DAB1: variants seen among roughly 807,000 people sequenced by gnomAD.
The protein encoded by DAB1 is DAB adaptor protein 1, also known as disabled homolog 1.
Under a neutral mutation model 64.6 loss-of-function variants are expected in DAB1, and 15 were observed. The ratio of observed to expected loss-of-function variants is 0.23; its 90% CI spans 0.16 to 0.36. The LOEUF (loss-of-function observed/expected upper bound fraction) is 0.36, where lower values mean the gene tolerates loss of function less well. Among genes scored for constraint, DAB1 ranks in the 10% least tolerant of loss-of-function variants. The pLI is 1.00. For missense variants in DAB1, 596 were observed against 706.7 expected (o/e 0.84, Z 1.78); for synonymous variants, 235 against 251.9 (o/e 0.93, Z 0.64).
chr1:57,750,088 G>C (rs1648485199), intron 6 of DAB1, among the ~76,000 whole-genome samples: 1 of 152,110 alleles, frequency 6.6e-6, no homozygotes, highest in Non-Finnish European at 1.5e-5. Flanking sequence ...CTACAGTCAA[G>C]GCCCCACCTG....
At chr1:57,552,746 C>G (rs1218023913) in intron 7 of DAB1, among the ~76,000 whole-genome samples, 1 of 152,080 alleles carries the variant, frequency 6.6e-6, no homozygotes. Context: ...CATGGGCCTT[C>G]TTGGCTAGTG....
In DAB1 at chr1:57,934,257, G is replaced by A. The variant is rs916353159; in HGVS notation, n.388-50095C>T. On this transcript the variant is annotated intron_variant and non_coding_transcript_variant, in intron 5 of 20. Coordinates refer to the DAB1 transcript ENST00000485760. Reference sequence around the variant, plus strand: ...TTTAATTTTAGCCATTTGGTGGGGAGAGTGTAGTGGTAGCTCATTGTGAGA... The same window carrying A: ...TTTAATTTTAGCCATTTGGTGGGGAAAGTGTAGTGGTAGCTCATTGTGAGA... 2.6e-5 allele frequency among the ~76,000 whole-genome samples: 4 copies of A among 152,102 alleles called. No individual in the cohort carries two copies. The East Asian group carries it at 5.8e-4, about 22-fold the overall frequency.
chr1:57,949,597 G>T (rs917366440), intron 5 of DAB1, among the ~76,000 whole-genome samples: 1 of 151,448 alleles, frequency 6.6e-6, no homozygotes, highest in Admixed American at 6.6e-5. Flanking sequence ...TATTTCTAAA[G>T]AATACATTAC....
chr1:58,111,399 C>T (rs1431928078), intron 5 of DAB1, among the ~76,000 whole-genome samples: 2 of 152,216 alleles, frequency 1.3e-5, no homozygotes, highest in Admixed American at 6.5e-5. Flanking sequence ...AGAAAAGCCA[C>T]ATTAAAGCTA....
intron 7 of DAB1, among the ~76,000 whole-genome samples, chr1:57,623,783 T>C (rs1489905494): frequency 6.6e-6 from 1 of 152,158 alleles, no homozygotes; most frequent in African/African-American, 2.4e-5. Flanking sequence ...CAGTTCCAGC[T>C]TGGTCCTGAG....
intron 6 of DAB1, among the ~76,000 whole-genome samples, chr1:57,740,891 G>T (rs1487099106): frequency 6.6e-6 from 1 of 152,174 alleles, no homozygotes; most frequent in Non-Finnish European, 1.5e-5. Flanking sequence ...GGAGAAAATG[G>T]TTAACGACGT....
intron 7 of DAB1, among the ~76,000 whole-genome samples, chr1:57,548,581 C>T (rs1644880529): frequency 6.6e-6 from 1 of 152,194 alleles, no homozygotes; most frequent in Non-Finnish European, 1.5e-5. Context: ...GTGAGACAGT[C>T]CACACAATAA....
chr1:57,924,198 T>C (rs74960443), intron 5 of DAB1, among the ~76,000 whole-genome samples: 2,949 of 152,300 alleles, frequency 0.019, 65 homozygotes, highest in East Asian at 0.082. Flanking sequence ...TCAGCCTCTT[T>C]GAAGGACATC....
At chr1:57,328,593 C>T (rs1350484602) in intron 1 of DAB1, among the ~76,000 whole-genome samples, 4 of 152,142 alleles carry the variant, frequency 2.6e-5, no homozygotes, top group Non-Finnish European at 4.4e-5. Context: ...TTCAAACATT[C>T]TAAAACTATG....
At chr1:58,338,199 G>T (rs950004521) in intron 4 of DAB1, among the ~76,000 whole-genome samples, 1 of 152,062 alleles carries the variant, frequency 6.6e-6, no homozygotes, top group Non-Finnish European at 1.5e-5. Flanking sequence ...TGTTTCCTGG[G>T]GGCAGAGAGG....
chr1:57,386,254 A>T (rs1021751122), intron 1 of DAB1, among the ~76,000 whole-genome samples: 6 of 151,816 alleles, frequency 4.0e-5, no homozygotes, highest in Non-Finnish European at 8.8e-5. Context: ...TAAATAAGGC[A>T]GAGTCTTTAT....
intron 6 of DAB1, among the ~76,000 whole-genome samples, chr1:57,783,509 G>C (rs535138753): frequency 6.6e-6 from 1 of 152,238 alleles, no homozygotes; most frequent in East Asian, 1.9e-4. Flanking sequence ...TCATTGTCCA[G>C]TAGGTATTTT....
chr1:57,207,576 T>C (rs1363506840), intron 2 of DAB1, among the ~76,000 whole-genome samples: 5 of 146,946 alleles, frequency 3.4e-5, no homozygotes, highest in Non-Finnish European at 7.5e-5. Context: ...CCCAAGTAGC[T>C]GGGACTACAG....
chr1:58,136,344 T>C (rs555725041), intron 5 of DAB1, among the ~76,000 whole-genome samples: 3 of 152,290 alleles, frequency 2.0e-5, no homozygotes, highest in Non-Finnish European at 2.9e-5. Flanking sequence ...GGTCTCTTCC[T>C]ACGCTGCCGA....
intron 7 of DAB1, among the ~76,000 whole-genome samples, chr1:57,612,753 T>G (rs1470217913): frequency 6.6e-6 from 1 of 152,160 alleles, no homozygotes; most frequent in East Asian, 1.9e-4. Context: ...GTTTGTAGTA[T>G]TTTGCTATAG....
At chr1:57,459,839 A>T (rs556709774) in intron 7 of DAB1, among the ~76,000 whole-genome samples, 59 of 152,278 alleles carry the variant, frequency 3.9e-4, no homozygotes, top group African/African-American at 1.3e-3. Context: ...AGGAGAAGAA[A>T]ACTATTTTAG....
At chr1:57,220,125 T>C (rs565841325) in intron 2 of DAB1, among the ~76,000 whole-genome samples, 1 of 152,282 alleles carries the variant, frequency 6.6e-6, no homozygotes, top group Admixed American at 6.5e-5. Flanking sequence ...CTGTCAGTAA[T>C]AATTTATGTT....
At chr1:57,608,392 AAAAG>A (rs965379100) in intron 7 of DAB1, among the ~76,000 whole-genome samples, 13 of 151,252 alleles carry the variant, frequency 8.6e-5, no homozygotes, top group African/African-American at 2.4e-5. Context: ...AGATATTAAA[AAAAG>A]AGAGAGAGAG....
At chr1:57,910,317 C>T (rs1644622600) in intron 5 of DAB1, among the ~76,000 whole-genome samples, 1 of 152,126 alleles carries the variant, frequency 6.6e-6, no homozygotes, top group African/African-American at 2.4e-5. Context: ...GCAGTGTATA[C>T]AAAGAACAAG....
Sources: allele counts gnomAD v4.1 joint callset (sites outside exome capture counted in the v4.1 genomes callset), GRCh38; gene constraint gnomAD v4.1.1; transcripts MANE v1.5; gene names NCBI Gene and HGNC (gene_info 2026-07-23, HGNC 2026-07-21).